ZNF705G: variants seen among roughly 807,000 people sequenced by gnomAD.
ZNF705G encodes the protein putative zinc finger protein 705G.
A neutral mutation model predicts 19.6 loss-of-function variants in ZNF705G; 23 were observed. The ratio of observed to expected loss-of-function variants is 1.17; its 90% CI spans 0.84 to 1.66. The LOEUF (loss-of-function observed/expected upper bound fraction) is 1.66. Ranked by LOEUF, ZNF705G falls within the 40% of genes most tolerant of loss-of-function variation. ZNF705G has a pLI of 0.00. For missense variants in ZNF705G, 457 were observed against 354.4 expected (o/e 1.29, Z -2.32); for synonymous variants, 146 against 117.7 (o/e 1.24, Z -1.56).
chr8:7,366,040 C>T (rs1319274369), intron 2 of ZNF705G, among the ~76,000 whole-genome samples: 1 of 149,512 alleles, frequency 6.7e-6, no homozygotes, highest in Non-Finnish European at 1.5e-5. Flanking sequence ...GAAACAGCAG[C>T]TGACATTCTA....
chr8:7,383,929 A>AGAAG (rs1807618354), intron 1 of ZNF705G, among the ~76,000 whole-genome samples: 1 of 141,814 alleles, frequency 7.1e-6, no homozygotes, highest in African/African-American at 3.0e-5. Context: ...AAGGAAGAAA[A>AGAAG]GAAGGAAGGA....
chr8:7,366,668 T>C (rs527793275), intron 2 of ZNF705G, among the ~76,000 whole-genome samples: 4 of 149,866 alleles, frequency 2.7e-5, no homozygotes, highest in Admixed American at 2.0e-4. Flanking sequence ...ACGTTATTTT[T>C]AAAAAATAAT....
chr8:7,370,535 AG>A, intron 2 of ZNF705G, among the ~76,000 whole-genome samples: 2 of 148,176 alleles, frequency 1.3e-5, no homozygotes, highest in South Asian at 4.2e-4. Flanking sequence ...AACAGTATGA[AG>A]GTTTCTCAAA....
At chr8:7,379,026 G>T (rs1198196898) in intron 2 of ZNF705G, among the ~76,000 whole-genome samples, 1 of 150,424 alleles carries the variant, frequency 6.6e-6, no homozygotes, top group Non-Finnish European at 1.5e-5. Context: ...TAGTGGCTTT[G>T]TGTGAAGAGA....
At chr8:7,369,113 A>G (rs1348735634) in intron 2 of ZNF705G, among the ~76,000 whole-genome samples, 1 of 149,504 alleles carries the variant, frequency 6.7e-6, no homozygotes, top group Non-Finnish European at 1.5e-5. Context: ...AACTCGTGAG[A>G]CTTATTCACT....
intron 2 of ZNF705G, among the ~76,000 whole-genome samples, chr8:7,370,888 A>C (rs1438061027): frequency 8.5e-6 from 1 of 117,770 alleles, no homozygotes; most frequent in Admixed American, 9.1e-5. Flanking sequence ...CAGCCATAAA[A>C]AGGAATGAGA....
chr8:7,382,263 G>A (rs1159377052), intron 1 of ZNF705G, among the ~76,000 whole-genome samples: 5 of 148,684 alleles, frequency 3.4e-5, no homozygotes, highest in Non-Finnish European at 5.9e-5. Context: ...TTCAAATTAT[G>A]GCATGGCTGT....
At chr8:7,381,035 A>C (rs1326478876) in intron 2 of ZNF705G, among the ~76,000 whole-genome samples, 1 of 136,274 alleles carries the variant, frequency 7.3e-6, no homozygotes, top group African/African-American at 3.5e-5. Context: ...CCAAAAAAAA[A>C]AAAAAAAAAA....
At chr8:7,358,909 TA>T (rs1806431400) in intron 6 of ZNF705G, among the ~76,000 whole-genome samples, 1 of 149,500 alleles carries the variant, frequency 6.7e-6, no homozygotes. Flanking sequence ...AACTTTTCTT[TA>T]CAAGTGCAGT....
chr8:7,366,599 A>G (rs1401974155), intron 2 of ZNF705G, among the ~76,000 whole-genome samples: 1 of 149,718 alleles, frequency 6.7e-6, no homozygotes, highest in Non-Finnish European at 1.5e-5. Flanking sequence ...TGAGTATAGT[A>G]CGTAAAAGTA....
intron 1 of ZNF705G, among the ~76,000 whole-genome samples, chr8:7,382,097 A>G (rs567379053): frequency 1.3e-5 from 2 of 152,066 alleles, no homozygotes; most frequent in East Asian, 1.9e-4. Flanking sequence ...AATGCCTTTC[A>G]GAAATAAAAT....
At chr8:7,368,743 G>T (rs1249423635) in intron 2 of ZNF705G, among the ~76,000 whole-genome samples, 1 of 149,676 alleles carries the variant, frequency 6.7e-6, no homozygotes, top group Non-Finnish European at 1.5e-5. Context: ...CATTTTGTGA[G>T]CTGGGCCCAG....
intron 2 of ZNF705G, among the ~76,000 whole-genome samples, chr8:7,378,198 C>CG (rs1237912577): frequency 4.3e-5 from 6 of 140,722 alleles, no homozygotes; most frequent in African/African-American, 1.8e-4. Flanking sequence ...TGCAGCCTTG[C>CG]GGGGGTCTGT....
chr8:7,361,226 G>A lies in ZNF705G; in HGVS notation c.23C>T (p.Thr8Ile). 1 of 1,592,426 alleles carries A rather than the reference G, an allele frequency of 6.3e-7. No individual in the cohort carries two copies. Among genetic ancestry groups the A allele is most frequent in the Non-Finnish European group, 8.5e-7 (1 of 1,179,372 alleles). The change falls in exon 4 of 7, where the codon ACT (threonine) becomes ATT (isoleucine). Residue 8 changes from threonine to isoleucine, a missense_variant. Physicochemically the swap from Thr to Ile is moderately conservative, Grantham distance 89 (BLOSUM62 -1). Transcript: ENST00000400156. Reference protein sequence around the residue: MHSLKKLTFEDVAIDFTQ... With the variant: MHSLKKLIFEDVAIDFTQ... ...GAAGTCAATAGCTACATCTTCAAAA[G>A]TCAGTTTCTTCTAAAACATCACAGA...
Position 7,356,893 on chromosome 8 carries a change from T to C in ZNF705G, c.*1083A>G, listed in dbSNP as rs1806295784. The C allele has an allele frequency of 6.7e-6, 1 of 150,008 alleles. No homozygotes were observed. The highest frequency in any genetic ancestry group is 2.5e-5 in the African/African-American group (1 of 39,370). The allele number at this position is 150,008 out of a possible 1,614,324, so 9.3% of individuals were successfully genotyped here. A position where few individuals can be genotyped will look rare whatever the true frequency, so the allele number is the denominator to read the frequency against. On this transcript the variant is annotated 3_prime_UTR_variant, in exon 7 of 7. Coordinates refer to ENST00000400156, the MANE Select transcript of ZNF705G (RefSeq NM_001164457.3). ...CTTATATAATTCTGCACGCAATTTA[T>C]TCCCTGGTCACTTTGCTATTATGCA...
chr8:7,366,949 A>T (rs1411707865), intron 2 of ZNF705G, among the ~76,000 whole-genome samples: 2 of 149,676 alleles, frequency 1.3e-5, no homozygotes, highest in Non-Finnish European at 2.9e-5. Context: ...ACTACTAAGG[A>T]TATGCCATTT....
rs185368599 is a variant in ZNF705G, at chr8:7,355,657, G to C, written c.*2319C>G. 2.9e-4 allele frequency: 43 copies of C among 149,808 alleles called. No homozygotes were observed. The highest frequency in any genetic ancestry group is 1.7e-3 in the Admixed American group (26 of 15,270). 9.3% of individuals were successfully genotyped at this position (149,808 alleles called of 1,614,324 possible). On this transcript the variant is annotated 3_prime_UTR_variant, in exon 7 of 7. Transcript: ENST00000400156. ...GCATTCTGTGTTACGCTTTAATAAT[G>C]GCTGGAGATCTGCCACCATGCATTT...
intron 2 of ZNF705G, among the ~76,000 whole-genome samples, chr8:7,366,546 C>T (rs1233783618): frequency 1.3e-5 from 2 of 149,586 alleles, no homozygotes; most frequent in South Asian, 2.1e-4. Flanking sequence ...TTTAAAGAAA[C>T]TTGGCGCAAT....
At chr8:7,383,258 G>A (rs1807584206) in intron 1 of ZNF705G, among the ~76,000 whole-genome samples, 1 of 148,170 alleles carries the variant, frequency 6.7e-6, no homozygotes, top group Non-Finnish European at 1.5e-5. Flanking sequence ...ATCATGTAGT[G>A]CAATGCATTT....
Sources: gnomAD v4.1 joint callset for allele counts (sites outside exome capture counted in the v4.1 genomes callset) on GRCh38, gnomAD v4.1.1 for gene constraint, MANE v1.5 for transcripts, NCBI Gene and HGNC (gene_info 2026-07-23, HGNC 2026-07-21) for gene names.